CNTN5: variants seen among roughly 807,000 people sequenced by gnomAD.
CNTN5 encodes contactin 5.
In CNTN5, 77 loss-of-function variants were observed where a neutral mutation model predicts 129.1. The observed-to-expected ratio is 0.60, with a 90% CI of 0.50 to 0.72. The LOEUF (loss-of-function observed/expected upper bound fraction) is 0.72, where lower values mean the gene tolerates loss of function less well. CNTN5 is among the 30% of genes least tolerant of loss of function. The pLI, the probability that CNTN5 is intolerant of heterozygous loss-of-function variation, is 0.00. For missense variants in CNTN5, 1,478 were observed against 1,328.8 expected (o/e 1.11, Z -1.75); for synonymous variants, 509 against 465.6 (o/e 1.09, Z -1.20).
In CNTN5 at chr11:99,793,251, G is replaced by A. The variant is rs2135445773; in HGVS notation, c.56-26293G>A. Among the ~76,000 whole-genome samples the A allele has an allele frequency of 1.3e-5, 2 of 152,146 alleles. 1 individual carries two copies. On this transcript the variant is annotated intron_variant, in intron 3 of 24. Transcript: ENST00000524871. ...ATGTTTTGTATTTTTAGTAGAGACG[G>A]GGTTTCACCGTGTTAGCCAGGATGG...
intron 1 of CNTN5, among the ~76,000 whole-genome samples, chr11:99,029,498 A>G (rs1161203616): frequency 2.0e-5 from 3 of 152,066 alleles, no homozygotes; most frequent in African/African-American, 7.2e-5. Context: ...TACCTGTAAA[A>G]GACTGTAGAA....
chr11:99,039,036 A>G (rs933861532), intron 1 of CNTN5, among the ~76,000 whole-genome samples: 1 of 152,118 alleles, frequency 6.6e-6, no homozygotes, highest in Non-Finnish European at 1.5e-5. Flanking sequence ...TAATAAAGTC[A>G]TAAGAGGAGT....
chr11:100,201,291 C>A (rs2138550636), intron 15 of CNTN5, among the ~76,000 whole-genome samples: 1 of 151,892 alleles, frequency 6.6e-6, no homozygotes, highest in South Asian at 2.1e-4. Flanking sequence ...TCAATGGCTC[C>A]TGGCTTTAAA....
intron 1 of CNTN5, among the ~76,000 whole-genome samples, chr11:99,273,096 A>G (rs917575236): frequency 7.9e-5 from 12 of 151,940 alleles, no homozygotes; most frequent in Admixed American, 4.6e-4. Flanking sequence ...TGTCACGGAA[A>G]GAAAAATGAG....
intron 24 of CNTN5, among the ~76,000 whole-genome samples, chr11:100,351,806 A>C (rs1480619324): frequency 2.0e-5 from 3 of 151,574 alleles, no homozygotes; most frequent in Non-Finnish European, 4.4e-5. Flanking sequence ...GCCAAGCAGA[A>C]TTATCAACCT....
chr11:99,212,459 C>T (rs1213776736), intron 1 of CNTN5, among the ~76,000 whole-genome samples: 1 of 152,090 alleles, frequency 6.6e-6, no homozygotes, highest in African/African-American at 2.4e-5. Context: ...CCTTGCACGT[C>T]GAAGGTGCTT....
intron 3 of CNTN5, among the ~76,000 whole-genome samples, chr11:99,656,675 A>C (rs1165293103): frequency 6.6e-6 from 1 of 152,148 alleles, no homozygotes; most frequent in African/African-American, 2.4e-5. Context: ...CAGTCTCAGC[A>C]AAGATGCCTG....
chr11:99,243,697 G>GTATC (rs1861677140), intron 1 of CNTN5, among the ~76,000 whole-genome samples: 1 of 148,698 alleles, frequency 6.7e-6, no homozygotes, highest in Non-Finnish European at 1.5e-5. Flanking sequence ...AGCTATCCCA[G>GTATC]TATCTTTTAT....
chr11:100,236,710 T>C (rs927041322), intron 16 of CNTN5, among the ~76,000 whole-genome samples: 1 of 152,096 alleles, frequency 6.6e-6, no homozygotes, highest in African/African-American at 2.4e-5. Flanking sequence ...TTGCCTGCAT[T>C]GCCTTCAGCT....
At chr11:99,737,490 A>G (rs909206407) in intron 3 of CNTN5, among the ~76,000 whole-genome samples, 12 of 152,132 alleles carry the variant, frequency 7.9e-5, no homozygotes, top group African/African-American at 2.9e-4. Context: ...TAGACTCAGA[A>G]TCAGAATTTA....
chr11:99,946,190 A>G (rs1565707264), intron 7 of CNTN5, among the ~76,000 whole-genome samples: 1 of 152,112 alleles, frequency 6.6e-6, no homozygotes, highest in African/African-American at 2.4e-5. Flanking sequence ...AGTAATCCCT[A>G]CAGATATACA....
At chr11:99,558,688 AG>A (rs1948749248) in intron 3 of CNTN5, among the ~76,000 whole-genome samples, 1 of 152,074 alleles carries the variant, frequency 6.6e-6, no homozygotes, top group Non-Finnish European at 1.5e-5. Flanking sequence ...ACTGGAATCA[AG>A]TTACTATTCA....
chr11:100,259,178 A>G (rs1157467580), intron 17 of CNTN5, among the ~76,000 whole-genome samples: 1 of 152,198 alleles, frequency 6.6e-6, no homozygotes, highest in Non-Finnish European at 1.5e-5. Context: ...TTAAACCAAC[A>G]AAGATCAAAA....
At chr11:99,711,604 T>C (rs1954992187) in intron 3 of CNTN5, among the ~76,000 whole-genome samples, 1 of 151,886 alleles carries the variant, frequency 6.6e-6, no homozygotes, top group Non-Finnish European at 1.5e-5. Context: ...TCACGTTAGG[T>C]ATTTCTCCTA....
chr11:99,934,185 G>C (rs746532820), intron 7 of CNTN5, among the ~76,000 whole-genome samples: 3 of 152,062 alleles, frequency 2.0e-5, no homozygotes, highest in Non-Finnish European at 4.4e-5. Context: ...TTCCATTTCT[G>C]TCTGAAGAAA....
chr11:99,620,220 C>T (rs970806290), intron 3 of CNTN5, among the ~76,000 whole-genome samples: 2 of 151,934 alleles, frequency 1.3e-5, no homozygotes, highest in African/African-American at 4.8e-5. Context: ...TAAGCTTGTC[C>T]TCAAGGCTGA....
At chr11:99,712,110 G>A (rs146301794) in intron 3 of CNTN5, among the ~76,000 whole-genome samples, 45 of 152,136 alleles carry the variant, frequency 3.0e-4, no homozygotes, top group Middle Eastern at 3.4e-3. Flanking sequence ...AGTGTAAAGC[G>A]TTCGTATTTC....
At chr11:99,132,031 C>T (rs1406467605) in intron 1 of CNTN5, among the ~76,000 whole-genome samples, 3 of 152,134 alleles carry the variant, frequency 2.0e-5, no homozygotes, top group Non-Finnish European at 2.9e-5. Context: ...TCCAGTAGCA[C>T]ATCAAAAAGC....
At chr11:99,347,247 G>C (rs1937956623) in intron 2 of CNTN5, among the ~76,000 whole-genome samples, 1 of 152,122 alleles carries the variant, frequency 6.6e-6, no homozygotes, top group Admixed American at 6.5e-5. Context: ...GATAGTTGTG[G>C]ATTCTAGGAA....
Sources: allele counts gnomAD v4.1 joint callset (sites outside exome capture counted in the v4.1 genomes callset), GRCh38; gene constraint gnomAD v4.1.1; transcripts MANE v1.5; gene names NCBI Gene and HGNC (gene_info 2026-07-23, HGNC 2026-07-21).